HIVEP2: variants seen among roughly 807,000 people sequenced by gnomAD.
HIVEP2 encodes HIVEP zinc finger 2, also known as transcription factor HIVEP2.
HIVEP2 carries 14 observed loss-of-function variants against 180.7 expected under a neutral mutation model. The observed-to-expected ratio is 0.08, with a 90% CI of 0.05 to 0.12. HIVEP2 has a LOEUF of 0.12. Ranked by LOEUF, HIVEP2 falls within the 10% of genes least tolerant of loss-of-function variation. The pLI is 1.00. For synonymous variants in HIVEP2, 1,184 were observed against 1,136.4 expected (o/e 1.04, Z -0.84); for missense variants, 2,579 against 3,008.5 (o/e 0.86, Z 3.34).
At chr6:142,765,108 C>G (rs147842120) in intron 6 of HIVEP2, 134 bp from the exon 7 acceptor site, 1 of 748,784 alleles carries the variant, frequency 1.3e-6, no homozygotes, top group African/African-American at 1.8e-5. Flanking sequence ...TTTACTTCTA[C>G]GAAGCCTGTG....
chr6:142,928,948 T>G (rs541075238), intron 1 of HIVEP2, among the ~76,000 whole-genome samples: 1 of 152,222 alleles, frequency 6.6e-6, no homozygotes, highest in Non-Finnish European at 1.5e-5. Flanking sequence ...CTTCCCAAAC[T>G]GTATCAAATG....
chr6:142,902,074 A>G (rs562066769), intron 1 of HIVEP2, among the ~76,000 whole-genome samples: 92 of 152,328 alleles, frequency 6.0e-4, no homozygotes, highest in African/African-American at 2.1e-3. Flanking sequence ...TCAATCAATC[A>G]ATAAAATATG....
intron 6 of HIVEP2, among the ~76,000 whole-genome samples, chr6:142,766,314 C>T (rs1410480051): frequency 1.3e-5 from 2 of 152,090 alleles, no homozygotes; most frequent in African/African-American, 4.8e-5. Flanking sequence ...GCATGTCTTC[C>T]GTTCCTTTAA....
intron 2 of HIVEP2, among the ~76,000 whole-genome samples, chr6:142,796,391 T>C (rs940592719): frequency 6.6e-6 from 1 of 152,172 alleles, no homozygotes; most frequent in African/African-American, 2.4e-5. Flanking sequence ...GCCTTACCGA[T>C]AACCTAAGCA....
chr6:142,803,494 T>C (rs1294484035), intron 2 of HIVEP2, among the ~76,000 whole-genome samples: 1 of 151,674 alleles, frequency 6.6e-6, no homozygotes, highest in Non-Finnish European at 1.5e-5. Flanking sequence ...GTGAAGCAAC[T>C]GCTGTCTGCA....
At chr6:142,815,734 T>G (rs1451916554) in intron 2 of HIVEP2, among the ~76,000 whole-genome samples, 2 of 152,252 alleles carry the variant, frequency 1.3e-5, no homozygotes, top group Non-Finnish European at 2.9e-5. Flanking sequence ...ATGCATGGTC[T>G]TGTTTAATTC....
At position 142,848,761 on chromosome 6, in the gene HIVEP2, T is replaced by C. The variant is rs545411964; in HGVS notation, c.-640-11714A>G. 9.2e-5 allele frequency among the ~76,000 whole-genome samples: 14 copies of C among 151,768 alleles called. No individual in the cohort carries two copies. In the South Asian group the frequency reaches 2.9e-3, roughly 32 times the overall value. ...TCTGAAACAAATAGTTGGGCTCTGC[T>C]CTGTCCATTCTGATGCTTTTGAAAT... On this transcript the variant is annotated intron_variant, in intron 1 of 9. Transcript: ENST00000367603.
At chr6:142,763,038 G>C (rs769296503) in intron 7 of HIVEP2, among the ~76,000 whole-genome samples, 2 of 152,162 alleles carry the variant, frequency 1.3e-5, no homozygotes, top group African/African-American at 2.4e-5. Flanking sequence ...GATGTGTATA[G>C]GTATAGATGC....
intron 1 of HIVEP2, among the ~76,000 whole-genome samples, chr6:142,893,070 T>C (rs148500554): frequency 2.0e-3 from 302 of 152,282 alleles, no homozygotes; most frequent in African/African-American, 6.8e-3. Context: ...ATGAAACAAT[T>C]AGTCCTTTCA....
chr6:142,828,385 C>A (rs183502146), intron 2 of HIVEP2, among the ~76,000 whole-genome samples: 60 of 152,308 alleles, frequency 3.9e-4, no homozygotes, highest in African/African-American at 1.4e-3. Flanking sequence ...TTCTCATAAT[C>A]TTTGCTCAAC....
intron 2 of HIVEP2, among the ~76,000 whole-genome samples, chr6:142,795,861 G>T (rs1420794364): frequency 6.6e-6 from 1 of 152,136 alleles, no homozygotes; most frequent in African/African-American, 2.4e-5. Flanking sequence ...CTCAGTGCAA[G>T]GCTGTTTCCA....
At chr6:142,824,898 G>A (rs926638587) in intron 2 of HIVEP2, among the ~76,000 whole-genome samples, 1 of 151,932 alleles carries the variant, frequency 6.6e-6, no homozygotes. Flanking sequence ...TCTGGAGCTG[G>A]TAGAAGGCAT....
intron 1 of HIVEP2, among the ~76,000 whole-genome samples, chr6:142,913,930 G>A (rs547519835): frequency 4.9e-4 from 75 of 152,182 alleles, no homozygotes; most frequent in African/African-American, 1.6e-3. Flanking sequence ...ACGTTTGCAC[G>A]TGTCTCTCCC....
At chr6:142,876,856 T>TCACACACA (rs10548517) in intron 1 of HIVEP2, among the ~76,000 whole-genome samples, 16 of 149,728 alleles carry the variant, frequency 1.1e-4, no homozygotes, top group South Asian at 4.2e-4. Flanking sequence ...AATCCCATCT[T>TCACACACA]CACACACACA....
chr6:142,765,949 G>C (rs1433859412), intron 6 of HIVEP2, among the ~76,000 whole-genome samples: 1 of 152,184 alleles, frequency 6.6e-6, no homozygotes, highest in Non-Finnish European at 1.5e-5. Flanking sequence ...TTTTTGGAAA[G>C]ACGCTCCATT....
At chr6:142,936,965 C>T (rs1018178304) in intron 1 of HIVEP2, among the ~76,000 whole-genome samples, 2 of 152,070 alleles carry the variant, frequency 1.3e-5, no homozygotes, top group Non-Finnish European at 2.9e-5. Context: ...GTCCTGTGAA[C>T]ACCCAAGTTG....
intron 1 of HIVEP2, among the ~76,000 whole-genome samples, chr6:142,872,291 G>A (rs1314853981): frequency 6.6e-6 from 1 of 152,146 alleles, no homozygotes; most frequent in Non-Finnish European, 1.5e-5. Flanking sequence ...CATCAGACCT[G>A]AATAACATAA....
chr6:142,875,107 C>A (rs958803533), intron 1 of HIVEP2, among the ~76,000 whole-genome samples: 1 of 152,070 alleles, frequency 6.6e-6, no homozygotes, highest in African/African-American at 2.4e-5. Context: ...AAAAACTGAA[C>A]TAGGGATGGA....
chr6:142,834,737 C>T (rs1274212062), intron 2 of HIVEP2, among the ~76,000 whole-genome samples: 1 of 151,986 alleles, frequency 6.6e-6, no homozygotes, highest in Non-Finnish European at 1.5e-5. Flanking sequence ...TGAGAATGTT[C>T]CTTTCTTACT....
Sources: gnomAD v4.1 joint callset for allele counts (sites outside exome capture counted in the v4.1 genomes callset) on GRCh38, gnomAD v4.1.1 for gene constraint, MANE v1.5 for transcripts, NCBI Gene and HGNC (gene_info 2026-07-23, HGNC 2026-07-21) for gene names.